Variants in CNTN5 observed in about 807,000 individuals in gnomAD.
The protein encoded by CNTN5 is contactin 5, also known as contactin-5.
A neutral mutation model predicts 129.1 loss-of-function variants in CNTN5; 77 were observed. The ratio of observed to expected loss-of-function variants is 0.60; its 90% CI spans 0.50 to 0.72. The LOEUF is 0.72. CNTN5 is among the 30% of genes least tolerant of loss of function. The pLI, the probability that CNTN5 is intolerant of heterozygous loss-of-function variation, is 0.00. For missense variants in CNTN5, 1,478 were observed against 1,328.8 expected, an observed-to-expected ratio of 1.11 and a Z score of -1.75; for synonymous variants, 509 against 465.6, an observed-to-expected ratio of 1.09 and a Z score of -1.20.
chr11:99,249,887 G>A (rs1862013634), intron 1 of CNTN5, among the ~76,000 whole-genome samples: 1 of 151,852 alleles, frequency 6.6e-6, no homozygotes, highest in African/African-American at 2.4e-5. Context: ...TCCACAAATA[G>A]AGGCCATTCT....
chr11:99,386,633 C>G (rs1268661211), intron 2 of CNTN5, among the ~76,000 whole-genome samples: 3 of 152,200 alleles, frequency 2.0e-5, no homozygotes, highest in Non-Finnish European at 4.4e-5. Context: ...GACCTCCTAT[C>G]TCATCCTGTG....
intron 6 of CNTN5, among the ~76,000 whole-genome samples, chr11:99,877,914 C>T (rs1277170990): frequency 1.3e-5 from 2 of 152,186 alleles, no homozygotes; most frequent in African/African-American, 2.4e-5. Context: ...ACATTCTCAT[C>T]TTCCAGTTTA....
At chr11:99,203,262 T>C (rs140108133) in intron 1 of CNTN5, among the ~76,000 whole-genome samples, 139 of 152,320 alleles carry the variant, frequency 9.1e-4, no homozygotes, top group African/African-American at 3.3e-3. Context: ...TGGTATTTAT[T>C]TGGAGCACTT....
intron 4 of CNTN5, among the ~76,000 whole-genome samples, chr11:99,822,847 G>A (rs904123307): frequency 2.2e-4 from 33 of 152,180 alleles, no homozygotes; most frequent in African/African-American, 5.5e-4. Flanking sequence ...ATAAAGTAAT[G>A]GGATATGACT....
At chr11:99,337,680 A>T (rs781433473) in intron 2 of CNTN5, among the ~76,000 whole-genome samples, 1 of 152,160 alleles carries the variant, frequency 6.6e-6, no homozygotes, top group African/African-American at 2.4e-5. Flanking sequence ...ATTTATGGCC[A>T]GTCTTGGGGC....
intron 2 of CNTN5, among the ~76,000 whole-genome samples, chr11:99,452,465 C>T (rs543016657): frequency 2.9e-4 from 44 of 149,718 alleles, no homozygotes; most frequent in African/African-American, 9.3e-4. Flanking sequence ...CTCTGCCTCC[C>T]GAGTTCACGC....
intron 10 of CNTN5, among the ~76,000 whole-genome samples, chr11:100,061,967 T>C (rs1943502016): frequency 6.6e-6 from 1 of 152,182 alleles, no homozygotes; most frequent in African/African-American, 2.4e-5. Flanking sequence ...GTATGATAAA[T>C]AGCCCCTACA....
chr11:99,236,654 A>G (rs1262819659), intron 1 of CNTN5, among the ~76,000 whole-genome samples: 2 of 152,148 alleles, frequency 1.3e-5, no homozygotes, highest in Non-Finnish European at 2.9e-5. Flanking sequence ...TTTTGTGAGG[A>G]TTAGAAGAGT....
At chr11:99,914,813 T>C (rs771690200) in intron 6 of CNTN5, among the ~76,000 whole-genome samples, 2 of 152,092 alleles carry the variant, frequency 1.3e-5, no homozygotes. Flanking sequence ...TTTAAGAAGA[T>C]TTGGTTATAC....
intron 13 of CNTN5, among the ~76,000 whole-genome samples, chr11:100,103,591 C>T (rs141808613): frequency 1.7e-3 from 262 of 152,226 alleles, no homozygotes; most frequent in Admixed American, 5.8e-3. Flanking sequence ...CACTGTTCCA[C>T]GCTTGGCGCT....
At chr11:100,018,624 G>A (rs1319866096) in intron 9 of CNTN5, among the ~76,000 whole-genome samples, 1 of 151,814 alleles carries the variant, frequency 6.6e-6, no homozygotes, top group African/African-American at 2.4e-5. Flanking sequence ...AATCTTCCAT[G>A]AACATTTGTT....
intron 1 of CNTN5, among the ~76,000 whole-genome samples, chr11:99,183,506 C>T (rs1245574007): frequency 1.3e-5 from 2 of 152,082 alleles, no homozygotes; most frequent in African/African-American, 4.8e-5. Flanking sequence ...CACTCCTCTC[C>T]TCTTAAAATT....
rs571071956 is a variant in CNTN5 at position 99,354,296 on chromosome 11, A to T, written c.-71+28812A>T. Among the ~76,000 whole-genome samples, 4 of 152,304 alleles carry T rather than the reference A, an allele frequency of 2.6e-5. No individual in the cohort carries two copies. The East Asian group carries it at 7.7e-4, about 29-fold the overall frequency. On this transcript the variant is annotated intron_variant, in intron 2 of 24. Transcript: ENST00000524871. The stretch of plus-strand genomic sequence containing the variant: ...ATTAATACACCTGTGAAATATAGTG[A>T]TATGCTGCCAATCATCATTTGACCT...
intron 1 of CNTN5, among the ~76,000 whole-genome samples, chr11:99,055,763 G>A (rs1477594866): frequency 1.3e-5 from 2 of 151,868 alleles, no homozygotes; most frequent in Non-Finnish European, 2.9e-5. Flanking sequence ...CTGCCCCTAA[G>A]CTTAGTCCAT....
chr11:100,282,366 G>A (rs1018661296), intron 18 of CNTN5, among the ~76,000 whole-genome samples: 9 of 152,216 alleles, frequency 5.9e-5, no homozygotes, highest in African/African-American at 2.2e-4. Context: ...TAATCTTGAA[G>A]AAGGTCTGAA....
At chr11:99,293,681 T>C (rs574261371) in intron 1 of CNTN5, among the ~76,000 whole-genome samples, 1 of 152,272 alleles carries the variant, frequency 6.6e-6, no homozygotes, top group Admixed American at 6.5e-5. Context: ...AACCATTTAT[T>C]CTAGGCTTTC....
At chr11:100,299,745 T>C (rs1951177798) in intron 20 of CNTN5, among the ~76,000 whole-genome samples, 2 of 151,476 alleles carry the variant, frequency 1.3e-5, no homozygotes, top group Admixed American at 1.3e-4. Flanking sequence ...TATTTTTCAA[T>C]ATATATGTAA....
intron 1 of CNTN5, among the ~76,000 whole-genome samples, chr11:99,320,130 C>T (rs572967158): frequency 9.9e-5 from 15 of 152,202 alleles, no homozygotes; most frequent in South Asian, 2.1e-4. Context: ...GTCCCAGCTA[C>T]CCATGGTGGG....
intron 21 of CNTN5, among the ~76,000 whole-genome samples, chr11:100,332,597 T>C (rs746191363): frequency 6.6e-6 from 1 of 151,744 alleles, no homozygotes; most frequent in Non-Finnish European, 1.5e-5. Context: ...GTCAAAAAGA[T>C]AATACACCAT....
Sources: gnomAD v4.1 joint callset for allele counts (sites outside exome capture counted in the v4.1 genomes callset) on GRCh38, gnomAD v4.1.1 for gene constraint, MANE v1.5 for transcripts, NCBI Gene and HGNC (gene_info 2026-07-23, HGNC 2026-07-21) for gene names.